CNTN5: variants seen among roughly 807,000 people sequenced by gnomAD.
CNTN5 encodes contactin-5.
In CNTN5, 77 loss-of-function variants were observed where a neutral mutation model predicts 129.1. The observed-to-expected ratio is 0.60, with a 90% CI of 0.50 to 0.72. The LOEUF is 0.72. Ranked by LOEUF, CNTN5 falls within the 30% of genes least tolerant of loss-of-function variation. The probability of loss-of-function intolerance (pLI) is 0.00; values close to 1 mark genes in which losing one functional copy is unlikely to be tolerated. For synonymous variants in CNTN5, 509 were observed against 465.6 expected (o/e 1.09, Z -1.20); for missense variants, 1,478 against 1,328.8 (o/e 1.11, Z -1.75).
At chr11:100,349,217 A>C (rs766881734) in intron 23 of CNTN5, among the ~76,000 whole-genome samples, 3 of 151,992 alleles carry the variant, frequency 2.0e-5, no homozygotes, top group Non-Finnish European at 4.4e-5. Context: ...CGCAGGCTTC[A>C]ATATGTGGAA....
intron 18 of CNTN5, among the ~76,000 whole-genome samples, chr11:100,293,997 G>C (rs2138871841): frequency 6.6e-6 from 1 of 151,594 alleles, no homozygotes; most frequent in Admixed American, 6.6e-5. Context: ...TGTTCCTCTT[G>C]ACTTCTACCT....
chr11:99,841,339 T>C (rs1016705356), intron 4 of CNTN5, among the ~76,000 whole-genome samples: 9 of 152,252 alleles, frequency 5.9e-5, no homozygotes, highest in African/African-American at 2.2e-4. Flanking sequence ...CCGGACCATA[T>C]TTTATTTCTC....
chr11:99,122,679 A>G (rs1432725296), intron 1 of CNTN5, among the ~76,000 whole-genome samples: 1 of 151,898 alleles, frequency 6.6e-6, no homozygotes, highest in Non-Finnish European at 1.5e-5. Flanking sequence ...GTTTATTATT[A>G]TTTTTTTGAT....
intron 9 of CNTN5, among the ~76,000 whole-genome samples, chr11:100,013,224 A>C (rs1455335969): frequency 6.6e-6 from 1 of 152,118 alleles, no homozygotes; most frequent in Non-Finnish European, 1.5e-5. Context: ...ATGAGAAATT[A>C]CTTAATGGGT....
At chr11:100,084,185 A>G (rs984466187) in intron 13 of CNTN5, among the ~76,000 whole-genome samples, 6 of 152,172 alleles carry the variant, frequency 3.9e-5, no homozygotes, top group African/African-American at 1.4e-4. Context: ...CATAAGCACA[A>G]CTTGAACAAG....
rs776919813 is a variant in CNTN5 at position 99,819,673 on chromosome 11, T to G, written c.185T>G (p.Leu62Arg). Residue 62 changes from leucine to arginine, a missense_variant, in exon 4 of 25, where the codon CTG becomes CGG. Transcript: ENST00000524871. ...PRYSSPSLGT[L>R]SASSPSWLGA... ...TACAGCAGCCCTTCATTAGGAACAC[T>G]GAGTGCTTCTTCACCCAGCTGGCTA... 2.5e-6 allele frequency: 4 copies of G among 1,612,966 alleles called. No individual in the cohort carries two copies. Among genetic ancestry groups the G allele is most frequent in the African/African-American group, 1.3e-5 (1 of 75,090 alleles).
chr11:100,311,083 CCCTGGGGAGGG>C lies in CNTN5; in HGVS notation c.2730+2619_2730+2629del, dbSNP rs374957131. 4.4e-3 allele frequency among the ~76,000 whole-genome samples: 667 copies of C among 151,938 alleles called. 2 individuals are homozygous for C. Among genetic ancestry groups the C allele is most frequent in the Non-Finnish European group, 7.8e-3 (529 of 67,878 alleles). On this transcript the variant is annotated intron_variant, in intron 21 of 24. Transcript: ENST00000524871. Reference sequence around the variant, plus strand: ...CTCAATCTGGAAGGTAGATAATAGACCCTGGGGAGGGCCTCAGACAGAAGAGCAGAGGGGCA... The same window carrying C: ...CTCAATCTGGAAGGTAGATAATAGACCCTCAGACAGAAGAGCAGAGGGGCA...
intron 2 of CNTN5, among the ~76,000 whole-genome samples, chr11:99,533,097 C>T (rs1947775213): frequency 1.3e-5 from 2 of 152,146 alleles, no homozygotes; most frequent in African/African-American, 4.8e-5. Context: ...GTGAAATGTG[C>T]CTGTAATCCC....
chr11:99,549,482 T>G (rs965782706), intron 2 of CNTN5, among the ~76,000 whole-genome samples: 1 of 152,170 alleles, frequency 6.6e-6, no homozygotes, highest in African/African-American at 2.4e-5. Flanking sequence ...AATTGCAAAG[T>G]CACTGAATAG....
At position 99,458,515 on chromosome 11, in the gene CNTN5, G is replaced by A. The variant is rs145591070; in HGVS notation, c.-70-97630G>A. Among the ~76,000 whole-genome samples, 533 of 151,918 alleles carry A rather than the reference G, an allele frequency of 3.5e-3. 4 individuals carry two copies. Among genetic ancestry groups the A allele is most frequent in the African/African-American group, 0.012 (496 of 41,494 alleles). On this transcript the variant is annotated intron_variant, in intron 2 of 24. Coordinates refer to ENST00000524871, the MANE Select transcript of CNTN5 (RefSeq NM_014361.4). ...GAAAGTTAATTGGGAATTGGGAAACGGTAAAGGAAAAATCTATATATCTAT... is the reference window on the plus strand; with the variant it reads ...GAAAGTTAATTGGGAATTGGGAAACAGTAAAGGAAAAATCTATATATCTAT...
At chr11:100,040,677 G>T (rs1030976060) in intron 9 of CNTN5, among the ~76,000 whole-genome samples, 2 of 152,112 alleles carry the variant, frequency 1.3e-5, no homozygotes, top group Non-Finnish European at 2.9e-5. Context: ...CATCAATGGT[G>T]GGCGCCCCTC....
chr11:100,057,168 T>C (rs1382200485), intron 9 of CNTN5, among the ~76,000 whole-genome samples: 2 of 148,848 alleles, frequency 1.3e-5, no homozygotes, highest in Non-Finnish European at 3.0e-5. Context: ...GCTCAAAAAG[T>C]TAAAGTATAA....
At chr11:99,440,248 A>G (rs1174295148) in intron 2 of CNTN5, among the ~76,000 whole-genome samples, 1 of 152,074 alleles carries the variant, frequency 6.6e-6, no homozygotes, top group Non-Finnish European at 1.5e-5. Context: ...TGCTGAGTTA[A>G]AAGGGATATA....
chr11:99,190,971 C>T (rs1858612166), intron 1 of CNTN5, among the ~76,000 whole-genome samples: 1 of 151,608 alleles, frequency 6.6e-6, no homozygotes, highest in Non-Finnish European at 1.5e-5. Flanking sequence ...AGGATGTTAG[C>T]TGTGTTTACC....
chr11:100,257,291 A>G (rs578097339), intron 17 of CNTN5, among the ~76,000 whole-genome samples: 108 of 152,212 alleles, frequency 7.1e-4, no homozygotes, highest in African/African-American at 1.9e-3. Context: ...CCCAGTCAGG[A>G]GCTTATAGAT....
intron 2 of CNTN5, among the ~76,000 whole-genome samples, chr11:99,371,192 C>T (rs886210798): frequency 6.6e-6 from 1 of 151,930 alleles, no homozygotes; most frequent in African/African-American, 2.4e-5. Context: ...GAAAAGTTAA[C>T]TAATAAAGAT....
At chr11:100,042,349 G>C (rs1049845302) in intron 9 of CNTN5, among the ~76,000 whole-genome samples, 1 of 151,682 alleles carries the variant, frequency 6.6e-6, no homozygotes, top group African/African-American at 2.4e-5. Flanking sequence ...GGTTCTTTCA[G>C]CTTCTATCAA....
intron 8 of CNTN5, among the ~76,000 whole-genome samples, chr11:99,959,874 G>GT (rs1950895998): frequency 2.0e-5 from 3 of 151,508 alleles, no homozygotes; most frequent in African/African-American, 2.4e-5. Context: ...ATTTACATTT[G>GT]TTTTTTTCTG....
At chr11:99,732,800 A>T (rs926962185) in intron 3 of CNTN5, among the ~76,000 whole-genome samples, 3 of 152,120 alleles carry the variant, frequency 2.0e-5, no homozygotes, top group African/African-American at 7.2e-5. Context: ...TGACATGAGG[A>T]ATAGTATGAA....
Sources: allele counts gnomAD v4.1 joint callset (sites outside exome capture counted in the v4.1 genomes callset), GRCh38; gene constraint gnomAD v4.1.1; transcripts MANE v1.5; gene names NCBI Gene and HGNC (gene_info 2026-07-23, HGNC 2026-07-21).